AGR3: variants seen among roughly 807,000 people sequenced by gnomAD.
AGR3 encodes the protein anterior gradient 3, protein disulphide isomerase family member, also known as anterior gradient protein 3.
Under a neutral mutation model 24.5 loss-of-function variants are expected in AGR3, and 37 were observed. The ratio of observed to expected loss-of-function variants is 1.51; its 90% confidence interval spans 1.16 to 1.99. AGR3 has a LOEUF of 1.99. AGR3 is among the 30% of genes most tolerant of loss of function. The pLI is 0.00. For synonymous variants in AGR3, 75 were observed against 61.6 expected, an observed-to-expected ratio of 1.22 and a Z score of -1.02; for missense variants, 228 against 191.1, an observed-to-expected ratio of 1.19 and a Z score of -1.14.
intron 7 of AGR3, 111 bp from the exon 8 acceptor site, chr7:16,859,742 A>G: frequency 1.5e-6 from 1 of 646,148 alleles, no homozygotes; most frequent in African/African-American, 1.8e-5. Flanking sequence ...AGCTTTGAAC[A>G]TGGGAATTCG....
chr7:16,855,608 T>C (rs892955540), downstream of AGR3, among the ~76,000 whole-genome samples: 1 of 152,178 alleles, frequency 6.6e-6, no homozygotes, highest in African/African-American at 2.4e-5. Context: ...ACAGGGACTT[T>C]CTGCTCCCAA....
At chr7:16,860,422 T>A (rs752988182) in intron 7 of AGR3, 78 bp downstream of exon 7, 3 of 1,060,510 alleles carry the variant, frequency 2.8e-6, no homozygotes, top group Non-Finnish European at 4.4e-6. Context: ...GAAGCACTGA[T>A]GTAGGGCTTC....
At chr7:16,865,419 T>G (rs1781738261) in intron 3 of AGR3, 1 of 915,618 alleles carries the variant, frequency 1.1e-6, no homozygotes. Flanking sequence ...ATTAAGAAAT[T>G]TCATCGTAAT....
intron 1 of AGR3, among the ~76,000 whole-genome samples, chr7:16,879,047 C>T (rs1354731042): frequency 1.3e-5 from 2 of 152,158 alleles, no homozygotes; most frequent in African/African-American, 2.4e-5. Flanking sequence ...CCTTTTGATT[C>T]TCCTTCATCT....
chr7:16,865,908 A>G, intron 3 of AGR3: 1 of 713,052 alleles, frequency 1.4e-6, no homozygotes. Flanking sequence ...CCTGTTATTA[A>G]TAAAATAGAT....
intron 3 of AGR3, among the ~76,000 whole-genome samples, chr7:16,867,574 T>C (rs985938136): frequency 5.9e-5 from 9 of 152,198 alleles, no homozygotes; most frequent in African/African-American, 1.9e-4. Flanking sequence ...TTATTAACTA[T>C]TATTCCCACA....
chr7:16,869,570 G>T (rs1416494463), intron 3 of AGR3, among the ~76,000 whole-genome samples: 1 of 151,704 alleles, frequency 6.6e-6, no homozygotes, highest in African/African-American at 2.4e-5. Flanking sequence ...TCTACCAAAA[G>T]TACAAAAATT....
intron 3 of AGR3, among the ~76,000 whole-genome samples, chr7:16,863,188 T>G (rs1252109612): frequency 6.6e-6 from 1 of 152,244 alleles, no homozygotes; most frequent in African/African-American, 2.4e-5. Flanking sequence ...GTAATTCTTA[T>G]GTACTCTATA....
At chr7:16,868,579 A>G (rs551995724) in intron 3 of AGR3, among the ~76,000 whole-genome samples, 1 of 152,088 alleles carries the variant, frequency 6.6e-6, no homozygotes, top group Admixed American at 6.5e-5. Flanking sequence ...TGGCTTTCAT[A>G]TATTGTCTTC....
chr7:16,870,014 T>C (rs997058342), intron 3 of AGR3, among the ~76,000 whole-genome samples: 9 of 151,974 alleles, frequency 5.9e-5, no homozygotes, highest in Non-Finnish European at 1.0e-4. Flanking sequence ...GTTTTTTAAG[T>C]ATAGAGAGAA....
In AGR3 at chr7:16,861,970, C is replaced by T. The variant is rs1377467072; in HGVS notation, c.303+14G>A. ...AAATTATAGTATTAAGAAAACATCA[C>T]AAAGTTTATGTACCATAAGGTTTAG... is the stretch of plus-strand genomic sequence containing the variant. On this transcript the variant is annotated intron_variant, in intron 5 of 7. Transcript: ENST00000310398. 1.3e-6 allele frequency: 2 copies of T among 1,566,108 alleles called. No individual in the cohort carries two copies. The highest frequency in any genetic ancestry group is 1.7e-6 in the Non-Finnish European group (2 of 1,151,820).
chr7:16,856,503 T>C (rs1341902883), downstream of AGR3, among the ~76,000 whole-genome samples: 13 of 152,226 alleles, frequency 8.5e-5, no homozygotes, highest in Admixed American at 8.5e-4. Context: ...TATGCTTATA[T>C]TTTGAAAATG....
intron 3 of AGR3, among the ~76,000 whole-genome samples, chr7:16,869,147 C>T (rs540045157): frequency 6.6e-6 from 1 of 152,078 alleles, no homozygotes; most frequent in South Asian, 2.1e-4. Context: ...TGTTGAAGTC[C>T]CTTACTATTA....
chr7:16,864,586 T>C, intron 3 of AGR3: 1 of 1,469,064 alleles, frequency 6.8e-7, no homozygotes. Flanking sequence ...AATCTGAGCT[T>C]GATTTCTCAT....
intron 7 of AGR3, among the ~76,000 whole-genome samples, chr7:16,860,099 G>GAA (rs11374842): frequency 1.6e-4 from 24 of 149,984 alleles, no homozygotes; most frequent in Middle Eastern, 3.4e-3. Flanking sequence ...CTACAAAAAA[G>GAA]AAAAAAAAAG....
chr7:16,873,917 A>T, intron 2 of AGR3, 74 bp from the exon 3 acceptor site: 1 of 1,114,766 alleles, frequency 9.0e-7, no homozygotes, highest in Non-Finnish European at 1.4e-6. Flanking sequence ...TCTAATAATC[A>T]GATATCTACC....
intron 3 of AGR3, among the ~76,000 whole-genome samples, chr7:16,869,639 A>T (rs1781826511): frequency 6.8e-6 from 1 of 147,722 alleles, no homozygotes; most frequent in African/African-American, 2.5e-5. Flanking sequence ...AGGCAGGAGG[A>T]TCGCTTGAGC....
Position 16,875,114 on chromosome 7 carries a change from C to CA in AGR3, c.110-1272dup, listed in dbSNP as rs58302584. Among the ~76,000 whole-genome samples, 1,116 of 135,222 alleles carry CA rather than the reference C, an allele frequency of 8.3e-3. 17 individuals are homozygous for CA. Among genetic ancestry groups the CA allele is most frequent in the African/African-American group, 0.028 (1,012 of 36,014 alleles). 88.7% of individuals were successfully genotyped at this position (135,222 alleles called of 152,430 possible). A position where few individuals can be genotyped will look rare whatever the true frequency, so the allele number is the denominator to read the frequency against. On this transcript the variant is annotated intron_variant, in intron 2 of 7. Transcript: ENST00000310398. ...TGGGTAACAGAGCGAGACTCCATCT[C>CA]AAAAAAAAAAAAAAAAAGAAAAAAA...
intron 3 of AGR3, chr7:16,865,987 T>C (rs116924389): frequency 1.5e-6 from 1 of 671,024 alleles, no homozygotes; most frequent in East Asian, 2.8e-5. Flanking sequence ...CAATTATCTT[T>C]TCATGCACAG....
Sources: gnomAD v4.1 joint callset for allele counts (sites outside exome capture counted in the v4.1 genomes callset) on GRCh38, gnomAD v4.1.1 for gene constraint, MANE v1.5 for transcripts, NCBI Gene and HGNC (gene_info 2026-07-23, HGNC 2026-07-21) for gene names.